The following FHIT variants were observed in gnomAD, a reference collection of about 807,000 sequenced individuals.
FHIT encodes the protein bis(5'-adenosyl)-triphosphatase.
A neutral mutation model predicts 17.9 loss-of-function variants in FHIT; 19 were observed. That is an observed-to-expected ratio of 1.06 (90% CI 0.74 to 1.56). The LOEUF is 1.56. Ranked by LOEUF, FHIT falls within the 40% of genes most tolerant of loss-of-function variation. The pLI, the probability that FHIT is intolerant of heterozygous loss-of-function variation, is 0.00. For missense variants in FHIT, 248 were observed against 189.2 expected, an observed-to-expected ratio of 1.31 and a Z score of -1.82; for synonymous variants, 81 against 69.7, an observed-to-expected ratio of 1.16 and a Z score of -0.81.
chr3:59,840,881 T>TGTGAG (rs1193011269), intron 8 of FHIT, among the ~76,000 whole-genome samples: 1 of 152,154 alleles, frequency 6.6e-6, no homozygotes, highest in African/African-American at 2.4e-5. Context: ...ATAGGGTTGT[T>TGTGAG]GTGAGGTTTA....
At chr3:60,244,060 G>A (rs1300733198) in intron 5 of FHIT, among the ~76,000 whole-genome samples, 1 of 152,026 alleles carries the variant, frequency 6.6e-6, no homozygotes, top group Non-Finnish European at 1.5e-5. Context: ...CAAAGGCTGA[G>A]GTTAAAGATA....
chr3:60,437,094 C>G (rs1467800286), intron 5 of FHIT, among the ~76,000 whole-genome samples: 2 of 152,064 alleles, frequency 1.3e-5, no homozygotes, highest in East Asian at 3.9e-4. Flanking sequence ...CAACTAAAAC[C>G]TAAAGTTTAG....
intron 1 of FHIT, among the ~76,000 whole-genome samples, chr3:61,227,247 T>C (rs866723563): frequency 9.8e-5 from 15 of 152,286 alleles, no homozygotes; most frequent in Middle Eastern, 6.8e-3. Context: ...AAGTCTACCA[T>C]TGGGACTTAT....
intron 5 of FHIT, among the ~76,000 whole-genome samples, chr3:60,359,230 A>G (rs1322419688): frequency 6.6e-6 from 1 of 151,710 alleles, no homozygotes; most frequent in Non-Finnish European, 1.5e-5. Flanking sequence ...TACAAAACTG[A>G]GAAAATTAGA....
intron 3 of FHIT, among the ~76,000 whole-genome samples, chr3:60,860,183 A>C (rs1159754844): frequency 1.1e-5 from 1 of 91,718 alleles, no homozygotes; most frequent in African/African-American, 5.2e-5. Context: ...TATATGGTAT[A>C]CATGAGATAC....
At chr3:60,330,267 C>T (rs1049392253) in intron 5 of FHIT, among the ~76,000 whole-genome samples, 5 of 152,180 alleles carry the variant, frequency 3.3e-5, no homozygotes, top group Admixed American at 6.5e-5. Context: ...AGGATTCAAA[C>T]GGGTCATAAA....
At chr3:60,191,023 G>C (rs1021164641) in intron 5 of FHIT, among the ~76,000 whole-genome samples, 11 of 152,054 alleles carry the variant, frequency 7.2e-5, no homozygotes, top group African/African-American at 2.6e-4. Flanking sequence ...AAATTTTATT[G>C]AACATCTGCT....
intron 5 of FHIT, among the ~76,000 whole-genome samples, chr3:60,134,546 G>A (rs1035932932): frequency 3.3e-5 from 5 of 152,154 alleles, no homozygotes; most frequent in African/African-American, 1.2e-4. Context: ...CACACAACAT[G>A]ATGACTATGT....
rs146268776 is a variant in FHIT at position 61,181,925 on chromosome 3, A to C, written c.-164+18692T>G. Among the ~76,000 whole-genome samples, 30 of 152,332 alleles carry C rather than the reference A, an allele frequency of 2.0e-4. No individual in the cohort carries two copies. The East Asian group carries it at 5.4e-3, about 27-fold the overall frequency. ...AGTGTATGGTTAGATGACTGTTACT[A>C]TTCTTTCTGGCTACTGGACATACCA... On this transcript the variant is annotated intron_variant, in intron 2 of 9. Coordinates refer to ENST00000492590, the MANE Select transcript of FHIT (RefSeq NM_002012.4).
At chr3:60,812,135 C>A (rs1553736226) in intron 4 of FHIT, among the ~76,000 whole-genome samples, 2 of 151,564 alleles carry the variant, frequency 1.3e-5, no homozygotes, top group Non-Finnish European at 1.5e-5. Flanking sequence ...CCATAAATTC[C>A]AAATTCTTAA....
intron 3 of FHIT, among the ~76,000 whole-genome samples, chr3:60,854,363 A>G (rs1194968196): frequency 1.3e-5 from 2 of 152,016 alleles, no homozygotes; most frequent in Non-Finnish European, 2.9e-5. Flanking sequence ...ATCACTTGGG[A>G]TTGCTTTCAG....
intron 2 of FHIT, among the ~76,000 whole-genome samples, chr3:61,148,088 G>A (rs926919595): frequency 2.0e-5 from 3 of 151,288 alleles, no homozygotes; most frequent in African/African-American, 7.3e-5. Flanking sequence ...CAAAAGACTG[G>A]AAGAAAGTTA....
chr3:60,864,065 T>C (rs1011097588), intron 3 of FHIT, among the ~76,000 whole-genome samples: 1 of 152,156 alleles, frequency 6.6e-6, no homozygotes, highest in East Asian at 1.9e-4. Context: ...TCTCATATGG[T>C]GGCAGGCAAG....
intron 8 of FHIT, among the ~76,000 whole-genome samples, chr3:59,912,308 A>G (rs1453609561): frequency 1.3e-5 from 2 of 152,206 alleles, no homozygotes; most frequent in Non-Finnish European, 2.9e-5. Context: ...CAGGGAAAGA[A>G]GGTAAATGGT....
intron 1 of FHIT, among the ~76,000 whole-genome samples, chr3:61,210,701 T>C (rs1413825091): frequency 6.6e-6 from 1 of 152,144 alleles, no homozygotes; most frequent in Non-Finnish European, 1.5e-5. Flanking sequence ...AGGTGCCATC[T>C]GTCACCCCTC....
At chr3:60,276,028 C>T in intron 5 of FHIT, among the ~76,000 whole-genome samples, 1 of 151,066 alleles carries the variant, frequency 6.6e-6, no homozygotes, top group East Asian at 2.0e-4. Flanking sequence ...CGCTCAGTCG[C>T]CCAGGCTGGA....
At chr3:61,222,427 T>G (rs533079929) in intron 1 of FHIT, among the ~76,000 whole-genome samples, 1 of 152,170 alleles carries the variant, frequency 6.6e-6, no homozygotes, top group South Asian at 2.1e-4. Flanking sequence ...CGGTCACAAA[T>G]GCCTGCTGGC....
chr3:60,186,485 A>G (rs181893993), intron 5 of FHIT, among the ~76,000 whole-genome samples: 16 of 152,202 alleles, frequency 1.1e-4, no homozygotes, highest in Admixed American at 2.6e-4. Flanking sequence ...AAATCCAAGA[A>G]AACAGGAAGG....
chr3:61,041,411 C>A, intron 3 of FHIT, among the ~76,000 whole-genome samples: 1 of 151,740 alleles, frequency 6.6e-6, no homozygotes, highest in Non-Finnish European at 1.5e-5. Context: ...ACCGAGAATC[C>A]GCACCTCCTA....
Sources: allele counts gnomAD v4.1 joint callset (sites outside exome capture counted in the v4.1 genomes callset), GRCh38; gene constraint gnomAD v4.1.1; transcripts MANE v1.5; gene names NCBI Gene and HGNC (gene_info 2026-07-23, HGNC 2026-07-21).